BORCS8: variants seen among roughly 807,000 people sequenced by gnomAD.
BORCS8 encodes the protein BLOC-1 related complex subunit 8, also known as BLOC-1-related complex subunit 8.
A neutral mutation model predicts 18.7 loss-of-function variants in BORCS8; 13 were observed. That is an observed-to-expected ratio of 0.70 (90% confidence interval 0.45 to 1.11). The LOEUF (loss-of-function observed/expected upper bound fraction) is 1.11, where lower values mean the gene tolerates loss of function less well. Ranked by LOEUF, BORCS8 falls within the 50% of genes least tolerant of loss-of-function variation. The pLI, the probability that BORCS8 is intolerant of heterozygous loss-of-function variation, is 0.00. For synonymous variants in BORCS8, 68 were observed against 64.8 expected, an observed-to-expected ratio of 1.05 and a Z score of -0.24; for missense variants, 165 against 165.7, an observed-to-expected ratio of 1.00 and a Z score of 0.02.
intron 1 of BORCS8, among the ~76,000 whole-genome samples, chr19:19,187,543 CTTT>C (rs906880296): frequency 4.4e-4 from 62 of 140,530 alleles, no homozygotes; most frequent in Admixed American, 2.4e-3. Flanking sequence ...GAGTAAACTT[CTTT>C]TTTTTTTTTT....
intron 5 of BORCS8, chr19:19,177,696 G>GGAAAAAGAAAAGAAA (rs1376064847): frequency 7.4e-4 from 55 of 74,674 alleles, no homozygotes; most frequent in African/African-American, 2.6e-3. Context: ...AAGGAAGGAA[G>GGAAAAAGAAAAGAAA]AGAAAAGAAA....
chr19:19,180,832 G>C, intron 4 of BORCS8, 71 bp from the exon 5 acceptor site: 1 of 1,449,626 alleles, frequency 6.9e-7, no homozygotes, highest in South Asian at 1.4e-5. Context: ...GCTGGCTGGA[G>C]TGTATGTTTG....
At chr19:19,183,426 T>TACAC (rs1555778070) in intron 3 of BORCS8, among the ~76,000 whole-genome samples, 1 of 126,984 alleles carries the variant, frequency 7.9e-6, no homozygotes, top group Non-Finnish European at 1.7e-5. Context: ...AAAAAAAAAA[T>TACAC]ATACATTTCA....
chr19:19,189,455 T>A (rs2060445079), intron 1 of BORCS8, among the ~76,000 whole-genome samples: 4 of 152,158 alleles, frequency 2.6e-5, no homozygotes, highest in Non-Finnish European at 5.9e-5. Flanking sequence ...AACTCTTCCA[T>A]AGCTCCCACC....
At chr19:19,184,989 C>G (rs923851683) in intron 3 of BORCS8, among the ~76,000 whole-genome samples, 5 of 152,258 alleles carry the variant, frequency 3.3e-5, no homozygotes, top group African/African-American at 1.2e-4. Flanking sequence ...CCTCAGCCTC[C>G]TGAGTAGCTG....
intron 1 of BORCS8, among the ~76,000 whole-genome samples, chr19:19,189,332 G>A (rs929278894): frequency 6.6e-6 from 1 of 152,180 alleles, no homozygotes; most frequent in Non-Finnish European, 1.5e-5. Context: ...CTGGATGCCA[G>A]ATCCACCTTC....
intron 3 of BORCS8, among the ~76,000 whole-genome samples, chr19:19,184,969 C>A (rs2060391773): frequency 1.3e-5 from 2 of 151,698 alleles, no homozygotes; most frequent in Non-Finnish European, 2.9e-5. Context: ...CCTTTCAAGG[C>A]ATCCTCCCAC....
chr19:19,185,226 C>T (rs1294225425), intron 3 of BORCS8, among the ~76,000 whole-genome samples: 1 of 152,246 alleles, frequency 6.6e-6, no homozygotes, highest in Non-Finnish European at 1.5e-5. Context: ...CATCATTCAG[C>T]CGCCAATAAA....
intron 4 of BORCS8, among the ~76,000 whole-genome samples, chr19:19,181,621 G>A (rs1010951790): frequency 2.6e-5 from 4 of 152,204 alleles, no homozygotes; most frequent in African/African-American, 9.6e-5. Flanking sequence ...CCAACCCATG[G>A]CAGAGAAGCC....
chr19:19,181,958 A>G (rs2060353242), intron 4 of BORCS8: 2 of 985,392 alleles, frequency 2.0e-6, no homozygotes, highest in Admixed American at 6.1e-5. Context: ...TCTCTTTCCA[A>G]TGTTCAAGGA....
intron 5 of BORCS8, chr19:19,177,680 GGAAGGAAGGAAGGAAGAGAAA>G (rs2060305827): frequency 2.4e-5 from 2 of 81,702 alleles, no homozygotes; most frequent in Non-Finnish European, 4.4e-5. Flanking sequence ...AAGGAAGGAA[GGAAGGAAGGAAGGAAGAGAAA>G]AGAAAAGAAA....
chr19:19,189,595 CGA>C (rs1214155973), intron 1 of BORCS8, among the ~76,000 whole-genome samples: 2 of 152,230 alleles, frequency 1.3e-5, no homozygotes, highest in African/African-American at 2.4e-5. Flanking sequence ...TCTCACTGCC[CGA>C]GAGGACAAGG....
At chr19:19,177,696 G>GGAAGGAAGGAAGGAAA (rs1376064847) in intron 5 of BORCS8, 1 of 74,650 alleles carries the variant, frequency 1.3e-5, no homozygotes, top group South Asian at 3.6e-4. Context: ...AAGGAAGGAA[G>GGAAGGAAGGAAGGAAA]AGAAAAGAAA....
intron 5 of BORCS8, chr19:19,178,760 G>A (rs2060323492): frequency 6.6e-6 from 1 of 152,136 alleles, no homozygotes; most frequent in Admixed American, 6.6e-5. Flanking sequence ...GGGAGTTCGA[G>A]ACCTGACTGA....
At chr19:19,188,192 GCTAA>G (rs1469247674) in intron 1 of BORCS8, among the ~76,000 whole-genome samples, 6 of 151,878 alleles carry the variant, frequency 4.0e-5, no homozygotes, top group East Asian at 2.0e-4. Flanking sequence ...ACCACGCCCG[GCTAA>G]CTTTTTGTAT....
rs1030533564 is a variant in BORCS8 at position 19,186,902 on chromosome 19, G to A, written c.141C>T (p.Ala47=). Residue 47 remains alanine, a synonymous_variant, in exon 2 of 6, where the codon GCC becomes GCT. Coordinates refer to ENST00000462790, the MANE Select transcript of BORCS8 (RefSeq NM_001145784.2). Reference sequence around the variant, plus strand: ...GCAGGCCCCAGCTCACCTTGTGCTGGGCCAGCTCGGGGAGGGAGCGACGCA... The same window carrying A: ...GCAGGCCCCAGCTCACCTTGTGCTGAGCCAGCTCGGGGAGGGAGCGACGCA... ...EHVRRSLPEL[A]QHKADMQRWE... 2 of 1,548,288 alleles carry A rather than the reference G, an allele frequency of 1.3e-6. No homozygotes were observed. Among genetic ancestry groups the A allele is most frequent in the African/African-American group, 1.4e-5 (1 of 73,134 alleles).
chr19:19,187,350 C>G (rs146557066), intron 1 of BORCS8, among the ~76,000 whole-genome samples: 6 of 152,104 alleles, frequency 3.9e-5, no homozygotes, highest in Non-Finnish European at 8.8e-5. Context: ...TGGCGGGCGC[C>G]TGTAGTCCCA....
intron 5 of BORCS8, chr19:19,180,460 G>A: frequency 1.7e-6 from 1 of 584,660 alleles, no homozygotes; most frequent in Non-Finnish European, 3.0e-6. Context: ...AGAGAGGAAG[G>A]TGGTGGAGAG....
In BORCS8 at chr19:19,182,384, G is replaced by A. The variant is rs946898733; in HGVS notation, c.326+189C>T. Reference sequence around the variant, plus strand: ...CCCAGGGCCAGGCACACAGCAGAGCGCAGGACCTCGGTATTAAGTGACTGA... The same window carrying A: ...CCCAGGGCCAGGCACACAGCAGAGCACAGGACCTCGGTATTAAGTGACTGA... On this transcript the variant is annotated intron_variant, in intron 4 of 5. Coordinates refer to ENST00000462790, the MANE Select transcript of BORCS8 (RefSeq NM_001145784.2). The surrounding 1 kb of genome is among the most constrained non-coding windows in gnomAD (Gnocchi z 4.1). 2.5e-5 allele frequency: 34 copies of A among 1,385,128 alleles called. No individual in the cohort carries two copies. Among genetic ancestry groups the A allele is most frequent in the Middle Eastern group, 2.7e-4 (1 of 3,676 alleles). 85.8% of individuals were successfully genotyped at this position (1,385,128 alleles called of 1,614,324 possible). A position where few individuals can be genotyped will look rare whatever the true frequency, so the allele number is the denominator to read the frequency against.
Sources: gnomAD v4.1 joint callset for allele counts (sites outside exome capture counted in the v4.1 genomes callset) on GRCh38, gnomAD v4.1.1 for gene constraint, Gnocchi (gnomAD v3.1) non-coding constraint, MANE v1.5 for transcripts, NCBI Gene and HGNC (gene_info 2026-07-23, HGNC 2026-07-21) for gene names.